The following TRPV2 variants were observed in gnomAD, a reference collection of about 807,000 sequenced individuals.
The protein encoded by TRPV2 is OTRPC2.
TRPV2 carries 58 observed loss-of-function variants against 91.0 expected under a neutral mutation model. The observed-to-expected ratio is 0.64, with a 90% confidence interval of 0.52 to 0.79. The LOEUF (loss-of-function observed/expected upper bound fraction) is 0.79. Among genes scored for constraint, TRPV2 ranks in the 30% least tolerant of loss-of-function variants. The probability of loss-of-function intolerance (pLI) is 0.00; values close to 1 mark genes in which losing one functional copy is unlikely to be tolerated. For missense variants in TRPV2, 807 were observed against 969.6 expected (o/e 0.83, Z 2.23); for synonymous variants, 417 against 414.8 (o/e 1.01, Z -0.06).
In TRPV2 at chr17:16,431,293, T is replaced by TATATA. The variant is rs1568919199; in HGVS notation, c.1588-491_1588-490insATATA. On this transcript the variant is annotated intron_variant, in intron 10 of 14. Transcript: ENST00000338560. ...TATATATATATATATATATACATAT[T>TATATA]TTTTTTTTTTTTTTTTTTGAGACGA... 3.2e-3 allele frequency among the ~76,000 whole-genome samples: 142 copies of TATATA among 44,948 alleles called. 1 individual carries two copies. Among genetic ancestry groups the TATATA allele is most frequent in the African/African-American group, 3.5e-3 (23 of 6,566 alleles). 29.5% of individuals were successfully genotyped at this position (44,948 alleles called of 152,430 possible).
At chr17:16,427,958 T>C (rs971971392) in intron 8 of TRPV2, among the ~76,000 whole-genome samples, 3 of 152,174 alleles carry the variant, frequency 2.0e-5, no homozygotes, top group African/African-American at 7.2e-5. Flanking sequence ...GGACACAGGC[T>C]GGACACCAAG....
intron 3 of TRPV2, among the ~76,000 whole-genome samples, chr17:16,421,498 C>A (rs916303838): frequency 2.0e-5 from 3 of 149,446 alleles, no homozygotes; most frequent in African/African-American, 2.5e-5. Context: ...GGATTACAGG[C>A]GTGAGCCACC....
chr17:16,431,280 TA>T (rs1645705068), intron 10 of TRPV2, among the ~76,000 whole-genome samples: 2 of 63,758 alleles, frequency 3.1e-5, no homozygotes, highest in South Asian at 4.5e-4. Context: ...TATATATATA[TA>T]TATATACATA....
chr17:16,434,980 T>C lies in TRPV2; in HGVS notation c.2194+11T>C. 6.2e-7 allele frequency: 1 copy of C among 1,607,014 alleles called. No homozygotes were observed. On this transcript the variant is annotated intron_variant, in intron 14 of 14. Transcript: ENST00000338560. ...GGGCAGGTGTCCCTCGTGAGTAGCC[T>C]GGTGACTAGAGCCTCTGCCCTGGGG...
chr17:16,424,732 T>C (rs2093374999), intron 5 of TRPV2, among the ~76,000 whole-genome samples: 2 of 152,112 alleles, frequency 1.3e-5, no homozygotes, highest in African/African-American at 4.8e-5. Flanking sequence ...TTGTCTACCA[T>C]AGCACTTGTA....
intron 10 of TRPV2, among the ~76,000 whole-genome samples, chr17:16,430,762 C>G (rs2093406001): frequency 6.6e-6 from 1 of 152,156 alleles, no homozygotes; most frequent in African/African-American, 2.4e-5. Context: ...GCTGGGATTG[C>G]AGGCTGAGCC....
rs371881034 is a variant in TRPV2 at position 16,417,644 on chromosome 17, G to C, written c.-25G>C. On this transcript the variant is annotated 5_prime_UTR_variant, in exon 2 of 15. Coordinates refer to ENST00000338560, the MANE Select transcript of TRPV2 (RefSeq NM_016113.5). Reference sequence around the variant, plus strand: ...TCCATCTGCACAGAGGTCCTGGCTGGACCGAGCAGCCTCCTCCTCCTAGGA... The same window carrying C: ...TCCATCTGCACAGAGGTCCTGGCTGCACCGAGCAGCCTCCTCCTCCTAGGA... The C allele has an allele frequency of 1.8e-5, 29 of 1,612,782 alleles. No individual in the cohort carries two copies. Among genetic ancestry groups the C allele is most frequent in the Non-Finnish European group, 2.5e-5 (29 of 1,179,376 alleles).
At chr17:16,424,188 C>T (rs146506755) in intron 5 of TRPV2, among the ~76,000 whole-genome samples, 1,742 of 144,572 alleles carry the variant, frequency 0.012, 33 homozygotes, top group African/African-American at 0.043. Context: ...GACGGACCCT[C>T]GCTCTGTCAC....
At chr17:16,429,575 C>G (rs925328092) in intron 10 of TRPV2, among the ~76,000 whole-genome samples, 1 of 152,186 alleles carries the variant, frequency 6.6e-6, no homozygotes, top group Non-Finnish European at 1.5e-5. Context: ...TGGGAAGCCT[C>G]TCTAAAGAGG....
chr17:16,419,621 T>G (rs1479895145), intron 2 of TRPV2, among the ~76,000 whole-genome samples: 1 of 152,152 alleles, frequency 6.6e-6, no homozygotes, highest in Non-Finnish European at 1.5e-5. Flanking sequence ...CACAGAATAT[T>G]CTGTAGTTAA....
Position 16,426,448 on chromosome 17 carries a change from C to T in TRPV2, c.1095+179C>T, listed in dbSNP as rs974503215. On this transcript the variant is annotated intron_variant, in intron 6 of 14. Coordinates refer to ENST00000338560, the MANE Select transcript of TRPV2 (RefSeq NM_016113.5). This position sits in a 1 kb window ranked among gnomAD's most constrained non-coding sequence, Gnocchi z 6.0. ...CCACCGGGCCCATACTCAATCCATA[C>T]TCTAGTCCCATCCAAGACGGGGATC... 6.6e-6 allele frequency among the ~76,000 whole-genome samples: 1 copy of T among 152,244 alleles called. No individual in the cohort carries two copies. Among genetic ancestry groups the T allele is most frequent in the African/African-American group, 2.4e-5 (1 of 41,466 alleles).
chr17:16,418,412 C>T (rs1224034150), intron 2 of TRPV2, among the ~76,000 whole-genome samples: 3 of 152,264 alleles, frequency 2.0e-5, no homozygotes, highest in Non-Finnish European at 4.4e-5. Flanking sequence ...TCCTGAGAGT[C>T]CCACTTCCAG....
rs2093381333 is a variant in TRPV2 at position 16,426,043 on chromosome 17, C to T, written c.925-56C>T. The T allele has an allele frequency of 6.3e-7, 1 of 1,598,234 alleles. No homozygotes were observed. The highest frequency in any genetic ancestry group is 1.1e-5 in the South Asian group (1 of 89,328). ...GTCCTGGGTGTTTCCCAGCCTTGGCCCAGGATCAGTGCCAGGAAGGGACCA... is the reference window on the plus strand; with the variant it reads ...GTCCTGGGTGTTTCCCAGCCTTGGCTCAGGATCAGTGCCAGGAAGGGACCA... On this transcript the variant is annotated intron_variant, in intron 5 of 14. Coordinates refer to ENST00000338560, the MANE Select transcript of TRPV2 (RefSeq NM_016113.5). This position sits in a 1 kb window ranked among gnomAD's most constrained non-coding sequence, Gnocchi z 6.0.
rs141958757 is a variant in TRPV2, at chr17:16,422,549, A to G, written c.335-50A>G. On this transcript the variant is annotated intron_variant, in intron 3 of 14. Transcript: ENST00000338560. ...ATAAGAGCTATCGGGCAGCCCAGCC[A>G]CTCCAGGTCTCAGCACCACTGTGCC... is the stretch of plus-strand genomic sequence containing the variant. 7.1e-4 allele frequency: 1,121 copies of G among 1,574,848 alleles called. 9 individuals carry two copies. In the African/African-American group the frequency reaches 0.013, roughly 19 times the overall value.
At chr17:16,434,193 G>A (rs1197203333) in intron 13 of TRPV2, among the ~76,000 whole-genome samples, 1 of 152,106 alleles carries the variant, frequency 6.6e-6, no homozygotes, top group East Asian at 1.9e-4. Context: ...TGTCGGCCGG[G>A]TGCAGTGGCT....
In TRPV2 at chr17:16,431,288, CATA is replaced by C. The variant is rs1568919140; in HGVS notation, c.1588-495_1588-493del. Among the ~76,000 whole-genome samples the C allele has an allele frequency of 2.5e-3, 182 of 71,438 alleles. 8 individuals carry two copies. The South Asian group carries it at 0.09, about 35-fold the overall frequency. The allele number at this position is 71,438 out of a possible 152,430, so 46.9% of individuals were successfully genotyped here. On this transcript the variant is annotated intron_variant, in intron 10 of 14. Transcript: ENST00000338560. The stretch of plus-strand genomic sequence containing the variant: ...ATATATATATATATATATATATATA[CATA>C]TTTTTTTTTTTTTTTTTTTTGAGAC...
chr17:16,419,216 C>G, intron 2 of TRPV2: 2 of 415,982 alleles, frequency 4.8e-6, no homozygotes, highest in South Asian at 3.5e-5. Context: ...CAAGTTGGCC[C>G]CTGTGATTAG....
At chr17:16,434,845 G>A in intron 13 of TRPV2, 45 bp from the exon 14 acceptor site, 1 of 1,590,464 alleles carries the variant, frequency 6.3e-7, no homozygotes, top group Non-Finnish European at 8.6e-7. Context: ...TGGGAGGGGA[G>A]GCGGTCAAAG....
chr17:16,427,632 C>T (rs149260492), intron 8 of TRPV2, 85 bp downstream of exon 8: 7 of 1,302,112 alleles, frequency 5.4e-6, no homozygotes, highest in Non-Finnish European at 7.5e-6. Context: ...TGCATCCCCT[C>T]ACTGACAATA....
Sources: allele counts gnomAD v4.1 joint callset (sites outside exome capture counted in the v4.1 genomes callset), GRCh38; gene constraint gnomAD v4.1.1; non-coding constraint Gnocchi (gnomAD v3.1); transcripts MANE v1.5; gene names NCBI Gene and HGNC (gene_info 2026-07-23, HGNC 2026-07-21).